VPS8: variants seen among roughly 807,000 people sequenced by gnomAD.
VPS8 encodes VPS8 subunit of CORVET complex.
A neutral mutation model predicts 216.4 loss-of-function variants in VPS8; 129 were observed. The ratio of observed to expected loss-of-function variants is 0.60; its 90% CI spans 0.52 to 0.69. The LOEUF is 0.69. VPS8 is among the 30% of genes least tolerant of loss of function. VPS8 has a pLI of 0.00. For synonymous variants in VPS8, 571 were observed against 565.4 expected, an observed-to-expected ratio of 1.01 and a Z score of -0.14; for missense variants, 1,531 against 1,683.5, an observed-to-expected ratio of 0.91 and a Z score of 1.59.
chr3:184,846,753 T>C (rs905199910), intron 8 of VPS8, among the ~76,000 whole-genome samples: 8 of 152,250 alleles, frequency 5.3e-5, no homozygotes, highest in African/African-American at 1.9e-4. Context: ...CTGTTACCTA[T>C]ACATGTGACC....
intron 1 of VPS8, chr3:184,812,764 C>G (rs1381596411): frequency 6.6e-6 from 1 of 152,434 alleles, no homozygotes; most frequent in African/African-American, 2.4e-5. Flanking sequence ...GGGTGTCATG[C>G]CCCTCCCCAC....
chr3:184,834,172 A>G (rs774584233), intron 4 of VPS8, among the ~76,000 whole-genome samples: 1 of 152,210 alleles, frequency 6.6e-6, no homozygotes, highest in African/African-American at 2.4e-5. Flanking sequence ...AGGGTAATGT[A>G]GACTTGCAGG....
At position 185,043,420 on chromosome 3, in the gene VPS8, G is replaced by A. The variant is rs1418681014; in HGVS notation, c.4057-5059G>A. 2.0e-5 allele frequency among the ~76,000 whole-genome samples: 3 copies of A among 152,132 alleles called. No individual in the cohort carries two copies. In the East Asian group the frequency reaches 5.8e-4, roughly 29 times the overall value. ...CCCAGCCCTTCCCTCACAAGAAAGAGCCTTGTAAGGTAGGCTGTGCAGAGA... is the reference window on the plus strand; with the variant it reads ...CCCAGCCCTTCCCTCACAAGAAAGAACCTTGTAAGGTAGGCTGTGCAGAGA... On this transcript the variant is annotated intron_variant, in intron 46 of 47. Coordinates refer to ENST00000625842, the MANE Select transcript of VPS8 (RefSeq NM_001009921.3).
intron 35 of VPS8, among the ~76,000 whole-genome samples, chr3:184,938,795 A>G (rs1416011039): frequency 6.6e-6 from 1 of 151,880 alleles, no homozygotes; most frequent in East Asian, 1.9e-4. Context: ...TGCAAGGCCC[A>G]GGCGGGCAGA....
At chr3:184,889,750 C>G (rs753696950) in intron 22 of VPS8, among the ~76,000 whole-genome samples, 30 of 152,102 alleles carry the variant, frequency 2.0e-4, no homozygotes, top group Admixed American at 4.6e-4. Flanking sequence ...CAAACGCTCC[C>G]TCTTTTGTTC....
intron 40 of VPS8, among the ~76,000 whole-genome samples, chr3:184,979,340 G>A (rs951812031): frequency 1.3e-5 from 2 of 152,118 alleles, no homozygotes; most frequent in Non-Finnish European, 2.9e-5. Context: ...TCACATTCAG[G>A]TCCTGAGTAT....
chr3:184,940,439 CT>C (rs1267175324), intron 36 of VPS8, among the ~76,000 whole-genome samples, 196 bp downstream of exon 36: 1 of 152,072 alleles, frequency 6.6e-6, no homozygotes, highest in African/African-American at 2.4e-5. Flanking sequence ...TGAGATAATA[CT>C]TTTCTTTCCA....
chr3:184,914,676 C>A (rs1737198166), intron 26 of VPS8, among the ~76,000 whole-genome samples: 1 of 152,120 alleles, frequency 6.6e-6, no homozygotes, highest in South Asian at 2.1e-4. Flanking sequence ...GGGTATGAGG[C>A]CTTTAGAAGT....
At chr3:184,915,154 C>T in intron 27 of VPS8, 101 bp downstream of exon 27, 11 of 1,405,512 alleles carry the variant, frequency 7.8e-6, no homozygotes, top group Non-Finnish European at 9.0e-6. Flanking sequence ...CAGGAGCTAT[C>T]ACCTGTTGCA....
At chr3:184,916,358 G>T (rs62286957) in intron 28 of VPS8, among the ~76,000 whole-genome samples, 6,140 of 152,066 alleles carry the variant, frequency 0.04, 170 homozygotes, top group Non-Finnish European at 0.059. Flanking sequence ...AGTGTTTAGC[G>T]AAAGCAGCAG....
intron 23 of VPS8, among the ~76,000 whole-genome samples, chr3:184,897,374 T>C (rs1399929857): frequency 1.3e-5 from 2 of 152,220 alleles, no homozygotes; most frequent in African/African-American, 4.8e-5. Flanking sequence ...GACTAGTTTT[T>C]GGTTTGAGAA....
chr3:184,913,418 C>A, intron 25 of VPS8, 101 bp from the exon 26 acceptor site: 1 of 1,047,854 alleles, frequency 9.5e-7, no homozygotes, highest in Non-Finnish European at 1.4e-6. Context: ...ACTTACCTCA[C>A]CTTAAATGCC....
intron 5 of VPS8, among the ~76,000 whole-genome samples, chr3:184,835,733 G>A (rs1437383743): frequency 5.2e-5 from 7 of 133,650 alleles, no homozygotes; most frequent in African/African-American, 5.6e-5. Flanking sequence ...TTTTTGAGAC[G>A]GAGTCTCACT....
intron 1 of VPS8, chr3:184,816,281 A>T (rs1488134322): frequency 1.3e-5 from 2 of 152,218 alleles, no homozygotes; most frequent in African/African-American, 4.8e-5. Context: ...ATATTGTGAT[A>T]GGGGATTAGA....
intron 22 of VPS8, among the ~76,000 whole-genome samples, chr3:184,891,738 C>G (rs751754110): frequency 3.9e-5 from 6 of 151,914 alleles, no homozygotes; most frequent in Non-Finnish European, 7.4e-5. Flanking sequence ...ATAAGGAAAC[C>G]AGCCCACATC....
At chr3:184,982,899 T>G (rs1199571137) in intron 41 of VPS8, 113 bp from the exon 42 acceptor site, 1 of 951,592 alleles carries the variant, frequency 1.1e-6, no homozygotes, top group East Asian at 2.8e-5. Context: ...GAGGCCTTGG[T>G]TAGCTAAGTT....
chr3:184,977,226 T>C (rs1749420144), intron 40 of VPS8, among the ~76,000 whole-genome samples: 1 of 152,242 alleles, frequency 6.6e-6, no homozygotes, highest in Non-Finnish European at 1.5e-5. Context: ...AGCATTTTTT[T>C]TCATATGTTT....
rs912822388 is a variant in VPS8, at chr3:184,966,083, T to C, written c.3274-588T>C. On this transcript the variant is annotated intron_variant, in intron 38 of 47. Coordinates refer to ENST00000625842, the MANE Select transcript of VPS8 (RefSeq NM_001009921.3). ...ATTTGGCTCACAGTTCTGCAGGCTG[T>C]GTTAGCATCTAGCATCTGCTTCTGG... Among the ~76,000 whole-genome samples, 12 of 152,262 alleles carry C rather than the reference T, an allele frequency of 7.9e-5. No individual in the cohort carries two copies. In the East Asian group the frequency reaches 2.1e-3, roughly 27 times the overall value.
chr3:184,857,246 A>G (rs1210797102), intron 14 of VPS8, among the ~76,000 whole-genome samples: 1 of 152,274 alleles, frequency 6.6e-6, no homozygotes, highest in Non-Finnish European at 1.5e-5. Context: ...GGGTTGGCAC[A>G]CTATGGCCCA....
Sources: gnomAD v4.1 joint callset for allele counts (sites outside exome capture counted in the v4.1 genomes callset) on GRCh38, gnomAD v4.1.1 for gene constraint, MANE v1.5 for transcripts, NCBI Gene and HGNC (gene_info 2026-07-23, HGNC 2026-07-21) for gene names.